Variants in CPA6 observed in about 807,000 individuals in gnomAD.
CPA6 encodes carboxypeptidase A6, also known as carboxypeptidase B.
Under a neutral mutation model 63.3 loss-of-function variants are expected in CPA6, and 58 were observed. The observed-to-expected ratio is 0.92, with a 90% CI of 0.74 to 1.14. The LOEUF is 1.14. CPA6 is among the 50% of genes most tolerant of loss of function. The probability of loss-of-function intolerance (pLI) is 0.00; values close to 1 mark genes in which losing one functional copy is unlikely to be tolerated. For synonymous variants in CPA6, 185 were observed against 179.0 expected, an observed-to-expected ratio of 1.03 and a Z score of -0.27; for missense variants, 565 against 526.6, an observed-to-expected ratio of 1.07 and a Z score of -0.71.
At chr8:67,586,486 G>C (rs1276754582) in intron 2 of CPA6, among the ~76,000 whole-genome samples, 1 of 152,146 alleles carries the variant, frequency 6.6e-6, no homozygotes, top group Non-Finnish European at 1.5e-5. Flanking sequence ...CAAGAGCTAC[G>C]AGTAGAGGTA....
At chr8:67,696,456 C>T (rs547073730) in intron 1 of CPA6, among the ~76,000 whole-genome samples, 104 of 152,258 alleles carry the variant, frequency 6.8e-4, no homozygotes, top group Middle Eastern at 3.4e-3. Context: ...CTTCTTTGGA[C>T]AGTTTGATGG....
intron 1 of CPA6, among the ~76,000 whole-genome samples, chr8:67,692,296 A>G (rs1022772478): frequency 6.7e-6 from 1 of 148,268 alleles, no homozygotes; most frequent in African/African-American, 2.5e-5. Flanking sequence ...AGATTGTACT[A>G]CAGCCTGGGC....
At chr8:67,538,985 TA>T (rs1209136355) in intron 2 of CPA6, among the ~76,000 whole-genome samples, 1 of 152,188 alleles carries the variant, frequency 6.6e-6, no homozygotes, top group African/African-American at 2.4e-5. Flanking sequence ...ATGGGGCATT[TA>T]ACCCATTTAC....
chr8:67,459,982 C>T (rs1810763665), intron 8 of CPA6, among the ~76,000 whole-genome samples: 1 of 151,816 alleles, frequency 6.6e-6, no homozygotes, highest in African/African-American at 2.4e-5. Flanking sequence ...TTGCTGTGAA[C>T]CAAAAACTGC....
intron 8 of CPA6, among the ~76,000 whole-genome samples, chr8:67,467,221 C>G (rs553496183): frequency 6.6e-6 from 1 of 152,288 alleles, no homozygotes; most frequent in South Asian, 2.1e-4. Context: ...CCTCGAGTCT[C>G]TTCTCTGTTC....
At chr8:67,723,521 A>G (rs1213274244) in intron 1 of CPA6, among the ~76,000 whole-genome samples, 2 of 152,150 alleles carry the variant, frequency 1.3e-5, no homozygotes, top group African/African-American at 4.8e-5. Flanking sequence ...AGGTTATAAC[A>G]ATTTGACCTT....
chr8:67,647,935 G>A (rs1427926497), intron 1 of CPA6, among the ~76,000 whole-genome samples: 1 of 152,010 alleles, frequency 6.6e-6, no homozygotes, highest in East Asian at 1.9e-4. Context: ...TAAGAAGTAG[G>A]GTATAGAAGC....
chr8:67,743,422 T>C (rs891355853), intron 1 of CPA6, among the ~76,000 whole-genome samples: 5 of 152,144 alleles, frequency 3.3e-5, no homozygotes, highest in Admixed American at 3.3e-4. Flanking sequence ...AATAAGCACA[T>C]CGTAGAGAAT....
chr8:67,551,976 A>G (rs1272821575), intron 2 of CPA6, among the ~76,000 whole-genome samples: 1 of 152,216 alleles, frequency 6.6e-6, no homozygotes, highest in East Asian at 1.9e-4. Context: ...GGCATTTCTG[A>G]TCATCTGATG....
At chr8:67,686,373 A>G (rs938071883) in intron 1 of CPA6, among the ~76,000 whole-genome samples, 1 of 152,214 alleles carries the variant, frequency 6.6e-6, no homozygotes, top group Non-Finnish European at 1.5e-5. Context: ...CCCATCTGTC[A>G]GTAAATTACT....
rs141109172 is a variant in CPA6, at chr8:67,578,691, G to T, written c.192+45485C>A. On this transcript the variant is annotated intron_variant, in intron 2 of 10. Coordinates refer to ENST00000297770, the MANE Select transcript of CPA6 (RefSeq NM_020361.5). ...CAGAAAGGATTGGTTCCAGTTACTTGCATTTTCAAGAAACATCAATTTAGG... is the reference window on the plus strand; with the variant it reads ...CAGAAAGGATTGGTTCCAGTTACTTTCATTTTCAAGAAACATCAATTTAGG... 3.4e-4 allele frequency among the ~76,000 whole-genome samples: 51 copies of T among 152,182 alleles called. 1 individual carries two copies. In the East Asian group the frequency reaches 7.9e-3, roughly 24 times the overall value.
chr8:67,584,572 C>A (rs1279637331), intron 2 of CPA6, among the ~76,000 whole-genome samples: 1 of 152,124 alleles, frequency 6.6e-6, no homozygotes, highest in Non-Finnish European at 1.5e-5. Context: ...TAACAGCCCC[C>A]AGACATAATG....
chr8:67,536,815 C>G (rs540661420), intron 2 of CPA6, among the ~76,000 whole-genome samples: 35 of 152,184 alleles, frequency 2.3e-4, no homozygotes, highest in African/African-American at 6.7e-4. Flanking sequence ...CATTCAGTAT[C>G]ATATTGGCTG....
chr8:67,545,580 T>TTTTTTTTTTTTTGATGGGG (rs750417027), intron 2 of CPA6, among the ~76,000 whole-genome samples: 1 of 125,634 alleles, frequency 8.0e-6, no homozygotes, highest in Non-Finnish European at 1.7e-5. Flanking sequence ...TTTTTTTTTT[T>TTTTTTTTTTTTTGATGGGG]TTTTGAGATG....
At position 67,483,810 on chromosome 8, in the gene CPA6, G is replaced by A. The variant is rs767157912; in HGVS notation, c.796C>T (p.Arg266Cys). 25 of 1,614,068 alleles carry A rather than the reference G, an allele frequency of 1.5e-5. No individual in the cohort carries two copies. The highest frequency in any genetic ancestry group is 2.2e-5 in the South Asian group (2 of 91,070). ...CAGTTTCTATTGGCATCCACTCCAC[G>A]GCAGCGAAACCTTGAGTTCCTTGAC... ...TRSRNSRFRC[R>C]GVDANRNWKV... Residue 266 changes from arginine (R) to cysteine (C), a missense_variant, in exon 8 of 11, where the codon CGT becomes TGT. By Grantham distance (180) the Arg-to-Cys change is radical. Transcript: ENST00000297770.
intron 2 of CPA6, among the ~76,000 whole-genome samples, chr8:67,607,231 C>CTTCTTCTTCTTCTTG (rs1814682708): frequency 8.5e-6 from 1 of 117,156 alleles, no homozygotes; most frequent in East Asian, 2.6e-4. Context: ...TCTTCTTCTT[C>CTTCTTCTTCTTCTTG]TTCTTCTTCT....
chr8:67,697,581 C>T (rs868490640), intron 1 of CPA6, among the ~76,000 whole-genome samples: 20 of 152,256 alleles, frequency 1.3e-4, no homozygotes, highest in Admixed American at 2.0e-4. Flanking sequence ...AATTCTCTTC[C>T]GCTTTACCTC....
chr8:67,436,495 T>C (rs1311439135), intron 8 of CPA6, among the ~76,000 whole-genome samples: 1 of 151,662 alleles, frequency 6.6e-6, no homozygotes, highest in Non-Finnish European at 1.5e-5. Context: ...AAGATACAAA[T>C]ATTGATATAG....
At chr8:67,648,258 G>GTTTTTTTTTTTT (rs4009129) in intron 1 of CPA6, among the ~76,000 whole-genome samples, 1 of 113,894 alleles carries the variant, frequency 8.8e-6, no homozygotes, top group Non-Finnish European at 1.8e-5. Flanking sequence ...CCTAGATTAG[G>GTTTTTTTTTTTT]TTTTTTTTTT....
Sources: allele counts gnomAD v4.1 joint callset (sites outside exome capture counted in the v4.1 genomes callset), GRCh38; gene constraint gnomAD v4.1.1; transcripts MANE v1.5; gene names NCBI Gene and HGNC (gene_info 2026-07-23, HGNC 2026-07-21).